CADPS2: variants seen among roughly 807,000 people sequenced by gnomAD.
The protein encoded by CADPS2 is calcium dependent secretion activator 2, also known as calcium-dependent secretion activator 2.
In CADPS2, 93 loss-of-function variants were observed where a neutral mutation model predicts 172.5. The ratio of observed to expected loss-of-function variants is 0.54; its 90% confidence interval spans 0.46 to 0.64. The LOEUF (loss-of-function observed/expected upper bound fraction) is 0.64, where lower values mean the gene tolerates loss of function less well. Among genes scored for constraint, CADPS2 ranks in the 30% least tolerant of loss-of-function variants. The probability of loss-of-function intolerance (pLI) is 0.00; values close to 1 mark genes in which losing one functional copy is unlikely to be tolerated. For synonymous variants in CADPS2, 546 were observed against 555.2 expected (o/e 0.98, Z 0.23); for missense variants, 1,420 against 1,565.9 (o/e 0.91, Z 1.57).
intron 14 of CADPS2, among the ~76,000 whole-genome samples, chr7:122,467,310 T>A (rs2055278456): frequency 6.6e-6 from 1 of 152,200 alleles, no homozygotes. Flanking sequence ...AAGTGAACAC[T>A]TTTGATGATC....
chr7:122,645,393 G>GCATATACACACATATGTACATGTGTGTA (rs2078286257), intron 3 of CADPS2, among the ~76,000 whole-genome samples: 1 of 54,802 alleles, frequency 1.8e-5, no homozygotes, highest in African/African-American at 5.4e-5. Flanking sequence ...ACATGTGTGT[G>GCATATACACACATATGTACATGTGTGTA]TATATATGTA....
intron 3 of CADPS2, among the ~76,000 whole-genome samples, chr7:122,648,554 G>C (rs1161361455): frequency 6.6e-6 from 1 of 151,830 alleles, no homozygotes; most frequent in African/African-American, 2.4e-5. Flanking sequence ...GAGTAGAACG[G>C]GCACTGTGTT....
At chr7:122,662,375 CTTTTT>C (rs57852366) in intron 3 of CADPS2, among the ~76,000 whole-genome samples, 3 of 127,742 alleles carry the variant, frequency 2.3e-5, no homozygotes, top group South Asian at 2.6e-4. Flanking sequence ...TCCTTCCCTG[CTTTTT>C]TTTTTTTTTT....
intron 5 of CADPS2, among the ~76,000 whole-genome samples, chr7:122,617,388 G>T (rs997676281): frequency 6.6e-6 from 1 of 152,114 alleles, no homozygotes; most frequent in Non-Finnish European, 1.5e-5. Context: ...GAATTCCATG[G>T]ACCATCAGCT....
In CADPS2 at chr7:122,595,215, A is replaced by AT. The variant is rs149354792; in HGVS notation, c.1224-13926dup. 5.5e-3 allele frequency among the ~76,000 whole-genome samples: 837 copies of AT among 152,150 alleles called. 27 individuals are homozygous for AT. The highest frequency in any genetic ancestry group is 0.039 in the Admixed American group (590 of 15,256). On this transcript the variant is annotated intron_variant, in intron 6 of 29. Transcript: ENST00000449022. ...ATAATTAATATATTACCTTTTAAAGATAAAAAGTACTAGAGAAATTTAAAA... is the reference window on the plus strand; with the variant it reads ...ATAATTAATATATTACCTTTTAAAGATTAAAAAGTACTAGAGAAATTTAAAA...
At chr7:122,407,781 A>G (rs1181898895) in intron 19 of CADPS2, 85 bp from the exon 20 acceptor site, 4 of 1,290,680 alleles carry the variant, frequency 3.1e-6, no homozygotes, top group Admixed American at 4.4e-5. Flanking sequence ...AAAATATTTT[A>G]TAACATGTCT....
intron 11 of CADPS2, among the ~76,000 whole-genome samples, chr7:122,484,037 C>T (rs2057559080): frequency 6.6e-6 from 1 of 151,888 alleles, no homozygotes; most frequent in Non-Finnish European, 1.5e-5. Context: ...CAAAATTTTC[C>T]AAGGACTGAC....
intron 1 of CADPS2, among the ~76,000 whole-genome samples, chr7:122,847,636 G>A (rs910706245): frequency 1.3e-5 from 2 of 151,914 alleles, no homozygotes; most frequent in African/African-American, 4.8e-5. Context: ...CAGTTCTATG[G>A]GAAAGATACT....
intron 1 of CADPS2, among the ~76,000 whole-genome samples, chr7:122,815,967 T>C (rs1272538280): frequency 3.3e-5 from 5 of 152,214 alleles, no homozygotes; most frequent in Admixed American, 3.3e-4. Flanking sequence ...AATTATCAAA[T>C]GAGGGTAATT....
At chr7:122,743,799 A>T (rs1254188346) in intron 1 of CADPS2, among the ~76,000 whole-genome samples, 1 of 152,206 alleles carries the variant, frequency 6.6e-6, no homozygotes, top group African/African-American at 2.4e-5. Context: ...AACACTGTCA[A>T]AAACAGCTAC....
At chr7:122,476,985 C>A (rs1175895298) in intron 12 of CADPS2, among the ~76,000 whole-genome samples, 1 of 4,044 alleles carries the variant, frequency 2.5e-4, no homozygotes, top group Non-Finnish European at 6.0e-4. Flanking sequence ...GGAAGGGGGG[C>A]GGGAGGGGAG....
intron 2 of CADPS2, among the ~76,000 whole-genome samples, chr7:122,694,239 A>C (rs2084780589): frequency 6.6e-6 from 1 of 152,178 alleles, no homozygotes; most frequent in Admixed American, 6.5e-5. Context: ...AGATAGGGAC[A>C]ACAATTAAGG....
intron 16 of CADPS2, among the ~76,000 whole-genome samples, chr7:122,441,098 T>C (rs2051291512): frequency 6.6e-6 from 1 of 152,142 alleles, no homozygotes; most frequent in South Asian, 2.1e-4. Flanking sequence ...AAATGATATA[T>C]TTGTGAATGG....
intron 3 of CADPS2, among the ~76,000 whole-genome samples, chr7:122,648,796 A>T (rs1438526342): frequency 6.6e-6 from 1 of 152,164 alleles, no homozygotes; most frequent in Non-Finnish European, 1.5e-5. Flanking sequence ...GGATGCAAAA[A>T]CAGTCTCGTA....
At chr7:122,687,973 C>T (rs2083851684) in intron 2 of CADPS2, among the ~76,000 whole-genome samples, 1 of 152,188 alleles carries the variant, frequency 6.6e-6, no homozygotes, top group Non-Finnish European at 1.5e-5. Context: ...ATGCCATGAA[C>T]ATCACCCAGA....
chr7:122,407,351 TG>T (rs1222206101), intron 20 of CADPS2, among the ~76,000 whole-genome samples, 188 bp downstream of exon 20: 1 of 152,172 alleles, frequency 6.6e-6, no homozygotes, highest in Non-Finnish European at 1.5e-5. Context: ...CAGAGCCCAC[TG>T]GAGTGTGGGA....
chr7:122,771,581 G>A lies in CADPS2; in HGVS notation c.340-34513C>T, dbSNP rs551243548. Among the ~76,000 whole-genome samples, 117 of 152,290 alleles carry A rather than the reference G, an allele frequency of 7.7e-4. 1 individual carries two copies. The highest frequency in any genetic ancestry group is 2.7e-3 in the African/African-American group (113 of 41,570). ...AATTAATTGAAATAATGTGCAATAA[G>A]TAGAATATAAATGTAAAGGATACAA... On this transcript the variant is annotated intron_variant, in intron 1 of 29. Coordinates refer to ENST00000449022, the MANE Select transcript of CADPS2 (RefSeq NM_017954.11).
intron 11 of CADPS2, among the ~76,000 whole-genome samples, chr7:122,481,811 G>A (rs910393284): frequency 6.6e-6 from 1 of 152,154 alleles, no homozygotes; most frequent in Admixed American, 6.5e-5. Flanking sequence ...AGGAGTTTGA[G>A]ACTAGCCTGG....
chr7:122,851,142 T>C (rs1157064515), intron 1 of CADPS2, among the ~76,000 whole-genome samples: 2 of 152,138 alleles, frequency 1.3e-5, no homozygotes, highest in Admixed American at 6.5e-5. Context: ...AAATTAAACA[T>C]GCAAAAGACA....
Sources: allele counts gnomAD v4.1 joint callset (sites outside exome capture counted in the v4.1 genomes callset), GRCh38; gene constraint gnomAD v4.1.1; transcripts MANE v1.5; gene names NCBI Gene and HGNC (gene_info 2026-07-23, HGNC 2026-07-21).